ASAP2: variants seen among roughly 807,000 people sequenced by gnomAD.
The protein encoded by ASAP2 is ArfGAP with SH3 domain, ankyrin repeat and PH domain 2, also known as arf-GAP with SH3 domain, ANK repeat and PH domain-containing protein 2.
ASAP2 carries 45 observed loss-of-function variants against 131.4 expected under a neutral mutation model. The observed-to-expected ratio is 0.34, with a 90% CI of 0.27 to 0.44. The LOEUF (loss-of-function observed/expected upper bound fraction) is 0.44, where lower values mean the gene tolerates loss of function less well. Among genes scored for constraint, ASAP2 ranks in the 20% least tolerant of loss-of-function variants. ASAP2 has a pLI of 1.00. For synonymous variants in ASAP2, 510 were observed against 503.0 expected, an observed-to-expected ratio of 1.01 and a Z score of -0.19; for missense variants, 1,011 against 1,297.0, an observed-to-expected ratio of 0.78 and a Z score of 3.39.
chr2:9,295,651 G>GGT lies in ASAP2; in HGVS notation c.200-1637_200-1636dup, dbSNP rs149095487. The stretch of plus-strand genomic sequence containing the variant: ...GGGCTCCTGAGGAGCTGCGTTTGCG[G>GGT]GTGTGTGTGTGTGCACATGTATGTT... On this transcript the variant is annotated intron_variant, in intron 2 of 27. Coordinates refer to ENST00000281419, the MANE Select transcript of ASAP2 (RefSeq NM_003887.3). Among the ~76,000 whole-genome samples, 10 of 152,140 alleles carry GGT rather than the reference G, an allele frequency of 6.6e-5. No individual in the cohort carries two copies. The South Asian group carries it at 2.1e-3, about 32-fold the overall frequency.
chr2:9,375,069 A>T, intron 17 of ASAP2, 125 bp downstream of exon 17: 2 of 668,574 alleles, frequency 3.0e-6, no homozygotes, highest in Non-Finnish European at 4.5e-6. Context: ...CAGGAGTTTG[A>T]GATCAGCCTG....
chr2:9,283,825 G>T (rs911354687), intron 2 of ASAP2, among the ~76,000 whole-genome samples: 1 of 152,152 alleles, frequency 6.6e-6, no homozygotes, highest in Non-Finnish European at 1.5e-5. Flanking sequence ...AAAGCAAGAT[G>T]TCCACTTTCT....
chr2:9,347,239 C>A (rs1672029905), intron 11 of ASAP2, among the ~76,000 whole-genome samples: 2 of 152,212 alleles, frequency 1.3e-5, no homozygotes, highest in South Asian at 4.1e-4. Context: ...TCCCTGCGTG[C>A]TCTGGAAGTC....
At chr2:9,387,739 G>A in intron 21 of ASAP2, among the ~76,000 whole-genome samples, 1 of 152,206 alleles carries the variant, frequency 6.6e-6, no homozygotes, top group East Asian at 1.9e-4. Context: ...TTTTTGGTAT[G>A]TGTGTGTTTA....
rs1572157332 is a variant in ASAP2 at position 9,207,637 on chromosome 2, C to A, written c.126+407C>A. Among the ~76,000 whole-genome samples, 1 of 151,926 alleles carries A rather than the reference C, an allele frequency of 6.6e-6. No individual in the cohort carries two copies. Among genetic ancestry groups the A allele is most frequent in the Admixed American group, 6.5e-5 (1 of 15,278 alleles). The stretch of plus-strand genomic sequence containing the variant: ...TTGAAGTGGACCGGCGGGGGCAGCT[C>A]CGCGCTCCGAGCTCCCCGCCGCAGC... On this transcript the variant is annotated intron_variant, in intron 1 of 27. Transcript: ENST00000281419. This position sits in a 1 kb window ranked among gnomAD's most constrained non-coding sequence, Gnocchi z 4.1.
chr2:9,254,236 AATAT>A lies in ASAP2; in HGVS notation c.127-25065_127-25062del, dbSNP rs34570938. Among the ~76,000 whole-genome samples, 147 of 47,104 alleles carry A rather than the reference AATAT, an allele frequency of 3.1e-3. 4 individuals are homozygous for A. The highest frequency in any genetic ancestry group is 6.4e-3 in the Admixed American group (19 of 2,974). 30.9% of individuals were successfully genotyped at this position (47,104 alleles called of 152,430 possible). On this transcript the variant is annotated intron_variant, in intron 1 of 27. Coordinates refer to ENST00000281419, the MANE Select transcript of ASAP2 (RefSeq NM_003887.3). ...AAAAAAAAAAAAAAAAAAAAAAAAA[AATAT>A]ATATATATATATATACACGTGTGTG...
At chr2:9,291,506 C>T (rs888530370) in intron 2 of ASAP2, among the ~76,000 whole-genome samples, 3 of 152,164 alleles carry the variant, frequency 2.0e-5, no homozygotes, top group African/African-American at 4.8e-5. Context: ...AAATGGTCTC[C>T]ACTGTGCAGA....
At chr2:9,247,524 G>C (rs779645491) in intron 1 of ASAP2, among the ~76,000 whole-genome samples, 2 of 152,210 alleles carry the variant, frequency 1.3e-5, no homozygotes, top group Non-Finnish European at 2.9e-5. Context: ...CGCTGCGTCT[G>C]TTATTATAGA....
At chr2:9,285,410 A>G (rs998858127) in intron 2 of ASAP2, among the ~76,000 whole-genome samples, 1 of 152,208 alleles carries the variant, frequency 6.6e-6, no homozygotes, top group Non-Finnish European at 1.5e-5. Context: ...CCACGTGTAT[A>G]CAAAACAGTA....
chr2:9,379,078 C>G lies in ASAP2; in HGVS notation c.1948+19C>G, dbSNP rs749556478. ...GAGATAGGTGAGTGGGCCCGGGCCC[C>G]GGGGGTGGGCTCAGCTGCACCCTGG... On this transcript the variant is annotated intron_variant, in intron 19 of 27. Transcript: ENST00000281419. The G allele has an allele frequency of 1.1e-5, 16 of 1,489,412 alleles. No homozygotes were observed. Among genetic ancestry groups the G allele is most frequent in the South Asian group, 4.2e-5 (3 of 71,730 alleles). The allele number at this position is 1,489,412 out of a possible 1,614,324, so 92.3% of individuals were successfully genotyped here. A position where few individuals can be genotyped will look rare whatever the true frequency, so the allele number is the denominator to read the frequency against.
intron 3 of ASAP2, among the ~76,000 whole-genome samples, chr2:9,307,095 G>A (rs964203872): frequency 3.3e-5 from 5 of 152,204 alleles, no homozygotes; most frequent in Admixed American, 6.5e-5. Flanking sequence ...TTAGAAATGC[G>A]CAGCCCCAGC....
In ASAP2 at chr2:9,243,120, T is replaced by C. The variant is rs184400551; in HGVS notation, c.126+35890T>C. Among the ~76,000 whole-genome samples the C allele has an allele frequency of 3.2e-3, 480 of 152,258 alleles. 3 individuals carry two copies. Among genetic ancestry groups the C allele is most frequent in the African/African-American group, 9.9e-3 (412 of 41,550 alleles). On this transcript the variant is annotated intron_variant, in intron 1 of 27. Coordinates refer to ENST00000281419, the MANE Select transcript of ASAP2 (RefSeq NM_003887.3). The stretch of plus-strand genomic sequence containing the variant: ...AGATTTTTTGTTTTGTTTTGTTTTG[T>C]TTTTTTGAGACGGAGTCTTGCTCTG...
chr2:9,255,877 G>GCACA (rs1405937427), intron 1 of ASAP2, among the ~76,000 whole-genome samples: 7 of 152,164 alleles, frequency 4.6e-5, no homozygotes, highest in Admixed American at 4.6e-4. Context: ...GGGCTGGGGG[G>GCACA]CACAAGATCG....
chr2:9,381,024 G>T (rs1410475037), intron 20 of ASAP2, among the ~76,000 whole-genome samples: 2 of 152,228 alleles, frequency 1.3e-5, no homozygotes, highest in African/African-American at 4.8e-5. Flanking sequence ...GAGACTTGGG[G>T]TGTGAGTCAG....
At chr2:9,306,896 C>T (rs1668977941) in intron 3 of ASAP2, among the ~76,000 whole-genome samples, 1 of 151,944 alleles carries the variant, frequency 6.6e-6, no homozygotes, top group Admixed American at 6.6e-5. Context: ...GGCCGGACAT[C>T]CACAGAGCAT....
chr2:9,322,939 G>T, intron 5 of ASAP2, among the ~76,000 whole-genome samples, 182 bp from the exon 6 acceptor site: 1 of 152,208 alleles, frequency 6.6e-6, no homozygotes, highest in East Asian at 1.9e-4. Flanking sequence ...TAAGTGGGAA[G>T]ACCCGGTTTG....
chr2:9,277,604 A>G (rs1666840553), intron 1 of ASAP2, among the ~76,000 whole-genome samples: 1 of 152,178 alleles, frequency 6.6e-6, no homozygotes, highest in Non-Finnish European at 1.5e-5. Context: ...GAAAATACAG[A>G]AACTTTCCAA....
chr2:9,226,596 C>T (rs1350954435), intron 1 of ASAP2, among the ~76,000 whole-genome samples: 1 of 152,182 alleles, frequency 6.6e-6, no homozygotes, highest in Non-Finnish European at 1.5e-5. Context: ...TGAGGTTGTC[C>T]TGCTCTGGAT....
At chr2:9,303,567 C>T (rs544058792) in intron 3 of ASAP2, among the ~76,000 whole-genome samples, 1 of 152,290 alleles carries the variant, frequency 6.6e-6, no homozygotes, top group South Asian at 2.1e-4. Context: ...CTTTGGGCCC[C>T]TAGAAACCTC....
Sources: gnomAD v4.1 joint callset for allele counts (sites outside exome capture counted in the v4.1 genomes callset) on GRCh38, gnomAD v4.1.1 for gene constraint, Gnocchi (gnomAD v3.1) non-coding constraint, MANE v1.5 for transcripts, NCBI Gene and HGNC (gene_info 2026-07-23, HGNC 2026-07-21) for gene names.